Variants in C3orf52 observed in about 807,000 individuals in gnomAD.
C3orf52 encodes chromosome 3 open reading frame 52, also known as TPA-induced transmembrane protein.
Under a neutral mutation model 24.8 loss-of-function variants are expected in C3orf52, and 22 were observed. The observed-to-expected ratio is 0.89, with a 90% CI of 0.63 to 1.27. The LOEUF (loss-of-function observed/expected upper bound fraction) is 1.27. Ranked by LOEUF, C3orf52 falls within the 50% of genes most tolerant of loss-of-function variation. The probability of loss-of-function intolerance (pLI) is 0.00; values close to 1 mark genes in which losing one functional copy is unlikely to be tolerated. For missense variants in C3orf52, 265 were observed against 260.7 expected (o/e 1.02, Z -0.11); for synonymous variants, 93 against 100.2 (o/e 0.93, Z 0.43).
rs760187886 is a variant in C3orf52 at position 112,113,060 on chromosome 3, G to A, written c.564G>A (p.Leu188=). ...ATATGATGAGTGAGGAGTTGGTGCT[G>A]GGCATTTTGCTACAGGATTTCCGTG... ...MKYMMSEELV[L]GILLQDFRDQ... is the part of the protein sequence containing the mutation. The change falls in exon 5 of 6, where the codon CTG becomes CTA. Residue 188 remains leucine, a synonymous_variant. Coordinates refer to ENST00000264848, the MANE Select transcript of C3orf52 (RefSeq NM_024616.3). 2 of 1,610,048 alleles carry A rather than the reference G, an allele frequency of 1.2e-6. No homozygotes were observed. Among genetic ancestry groups the A allele is most frequent in the Non-Finnish European group, 1.7e-6 (2 of 1,178,306 alleles).
At chr3:112,130,225 C>T, downstream of C3orf52, 1 of 572,204 alleles carries the variant, frequency 1.7e-6, no homozygotes, top group South Asian at 2.2e-5. Flanking sequence ...GTCTTAGTTC[C>T]TGTTGCTAGG....
At chr3:112,087,825 C>T (rs1414040255) in intron 1 of C3orf52, among the ~76,000 whole-genome samples, 3 of 152,212 alleles carry the variant, frequency 2.0e-5, no homozygotes, top group Non-Finnish European at 4.4e-5. Context: ...TGGACCCGCA[C>T]ACCCTAAAGA....
downstream of C3orf52, chr3:112,120,713 G>T (rs879053620): frequency 2.0e-5 from 3 of 152,122 alleles, no homozygotes; most frequent in South Asian, 2.1e-4. Context: ...CCTAACCCCC[G>T]CACACATCGT....
intron 5 of C3orf52, 69 bp downstream of exon 5, chr3:112,113,214 G>A: frequency 2.2e-6 from 3 of 1,338,110 alleles, no homozygotes; most frequent in Non-Finnish European, 3.1e-6. Context: ...GGTCAAATTG[G>A]CTTGGTTCGA....
chr3:112,112,831 G>A (rs779629623), intron 4 of C3orf52, 133 bp from the exon 5 acceptor site: 1 of 783,320 alleles, frequency 1.3e-6, no homozygotes, highest in Non-Finnish European at 2.3e-6. Context: ...GTTCTTCCAG[G>A]ACAGAACATT....
At chr3:112,109,697 G>A (rs767537101) in intron 4 of C3orf52, 84 bp downstream of exon 4, 3 of 814,472 alleles carry the variant, frequency 3.7e-6, no homozygotes, top group Non-Finnish European at 6.2e-6. Context: ...ACCTAGCAGG[G>A]ATTCCCAGAG....
At chr3:112,134,661 C>T (rs1176654077), downstream of C3orf52, 3 of 152,236 alleles carry the variant, frequency 2.0e-5, no homozygotes, top group Admixed American at 2.0e-4. Flanking sequence ...CTTATGTCCT[C>T]TAAGACTGTG....
At chr3:112,114,843 A>G (rs536833479) in intron 5 of C3orf52, among the ~76,000 whole-genome samples, 2 of 152,150 alleles carry the variant, frequency 1.3e-5, no homozygotes, top group Admixed American at 1.3e-4. Flanking sequence ...CTCTTTCCAA[A>G]TGGAGGCCAG....
In C3orf52 at chr3:112,116,865, A is replaced by G. The variant is rs1043442341; in HGVS notation, c.*219A>G. 32 of 1,537,262 alleles carry G rather than the reference A, an allele frequency of 2.1e-5. No homozygotes were observed. The highest frequency in any genetic ancestry group is 8.7e-7 in the Non-Finnish European group (1 of 1,146,890). ...GCTTCAGCTGGGTCCAGTCTTGACAAAGGCAGGAAGCCAGCTAGGGTGGGG... is the reference window on the plus strand; with the variant it reads ...GCTTCAGCTGGGTCCAGTCTTGACAGAGGCAGGAAGCCAGCTAGGGTGGGG... On this transcript the variant is annotated 3_prime_UTR_variant, in exon 6 of 6. Transcript: ENST00000264848.
Position 112,093,483 on chromosome 3 carries a change from G to T in C3orf52, c.262G>T (p.Ala88Ser), listed in dbSNP as rs767243607. Residue 88 changes from alanine (A) to serine (S), a missense_variant, in exon 2 of 6, where the codon GCT (alanine) becomes TCT (serine). Physicochemically the swap from Ala to Ser is moderately conservative, Grantham distance 99. Transcript: ENST00000264848. ...AGTGATCATCATAGGCTTATGTCTT[G>T]CTGCAGGTAAGAGGATTTAGATGTG... The part of the protein sequence containing the change: ...ITVIIIGLCL[A>S]AVTYVDEDEN... 4 of 1,612,422 alleles carry T rather than the reference G, an allele frequency of 2.5e-6. No homozygotes were observed. In the East Asian group the frequency reaches 8.9e-5, roughly 36 times the overall value.
At chr3:112,114,378 A>G (rs538679033) in intron 5 of C3orf52, among the ~76,000 whole-genome samples, 1 of 151,048 alleles carries the variant, frequency 6.6e-6, no homozygotes, top group Admixed American at 6.6e-5. Flanking sequence ...TGTGGAGTGA[A>G]GAGATTGTGC....
intron 3 of C3orf52, among the ~76,000 whole-genome samples, chr3:112,106,017 C>T (rs2107784478): frequency 6.6e-6 from 1 of 152,088 alleles, no homozygotes; most frequent in Admixed American, 6.5e-5. Context: ...ATATCAAAAG[C>T]CAGATAAAAA....
downstream of C3orf52, chr3:112,119,438 G>A (rs183487438): frequency 4.0e-4 from 281 of 702,678 alleles, 1 homozygote; most frequent in East Asian, 5.3e-3. Context: ...GAAAAGAGTG[G>A]TCAGTATAAT....
At chr3:112,105,010 G>A (rs2107783603) in intron 3 of C3orf52, among the ~76,000 whole-genome samples, 1 of 152,312 alleles carries the variant, frequency 6.6e-6, no homozygotes, top group Admixed American at 6.5e-5. Flanking sequence ...ATAGTAGACT[G>A]TCTATTTCAA....
At chr3:112,091,722 A>G (rs909868012) in intron 1 of C3orf52, among the ~76,000 whole-genome samples, 11 of 152,164 alleles carry the variant, frequency 7.2e-5, no homozygotes, top group Admixed American at 7.2e-4. Context: ...ATGGCAGAGA[A>G]GGCCAGTCGC....
At chr3:112,090,001 A>G (rs1180542938) in intron 1 of C3orf52, among the ~76,000 whole-genome samples, 2 of 152,258 alleles carry the variant, frequency 1.3e-5, no homozygotes, top group Non-Finnish European at 2.9e-5. Context: ...GGCACCTTGC[A>G]GAAGAATCTA....
intron 2 of C3orf52, among the ~76,000 whole-genome samples, chr3:112,096,163 G>C (rs946880820): frequency 6.6e-6 from 1 of 152,220 alleles, no homozygotes; most frequent in Admixed American, 6.5e-5. Flanking sequence ...GGAGGCGGAA[G>C]TGTTAACTTT....
At chr3:112,109,512 T>C (rs200500372) in intron 3 of C3orf52, 31 bp from the exon 4 acceptor site, 124 of 1,397,766 alleles carry the variant, frequency 8.9e-5, no homozygotes, top group African/African-American at 8.0e-4. Context: ...GTCGGTAATG[T>C]GTGTGGTTTA....
At chr3:112,116,204 G>A (rs1229953993) in intron 5 of C3orf52, among the ~76,000 whole-genome samples, 2 of 152,212 alleles carry the variant, frequency 1.3e-5, no homozygotes, top group African/African-American at 4.8e-5. Context: ...GGCTCCCCCT[G>A]TGTTGTGTCT....
Sources: gnomAD v4.1 joint callset for allele counts (sites outside exome capture counted in the v4.1 genomes callset) on GRCh38, gnomAD v4.1.1 for gene constraint, MANE v1.5 for transcripts, NCBI Gene and HGNC (gene_info 2026-07-23, HGNC 2026-07-21) for gene names.